ACSS3: variants seen among roughly 807,000 people sequenced by gnomAD.
ACSS3 encodes the protein acyl-CoA synthetase short chain family member 3.
Under a neutral mutation model 84.2 loss-of-function variants are expected in ACSS3, and 64 were observed. That is an observed-to-expected ratio of 0.76 (90% CI 0.62 to 0.94). ACSS3 has a LOEUF of 0.94. ACSS3 is among the 40% of genes least tolerant of loss of function. The probability of loss-of-function intolerance (pLI) is 0.00; values close to 1 mark genes in which losing one functional copy is unlikely to be tolerated. For missense variants in ACSS3, 815 were observed against 867.6 expected (o/e 0.94, Z 0.76); for synonymous variants, 317 against 310.1 (o/e 1.02, Z -0.23).
chr12:81,139,197 G>A lies in ACSS3; in HGVS notation c.712G>A (p.Val238Ile), dbSNP rs1274448784. 2 of 1,613,828 alleles carry A rather than the reference G, an allele frequency of 1.2e-6. No individual in the cohort carries two copies. Among genetic ancestry groups the A allele is most frequent in the African/African-American group, 1.3e-5 (1 of 74,912 alleles). Residue 238 changes from valine (V) to isoleucine (I), a missense_variant, in exon 4 of 16, where the codon GTA (valine) becomes ATA (isoleucine). Physicochemically the swap from Val to Ile is conservative, Grantham distance 29 (BLOSUM62 3). Transcript: ENST00000548058. ...PGRRVEYVPLVEEALKIGQHK... is the reference protein window; with the variant it reads ...PGRRVEYVPLIEEALKIGQHK... The stretch of plus-strand genomic sequence containing the variant: ...AAGGAGGGTAGAGTACGTACCACTT[G>A]TAGAAGAAGCGCTAAAAATAGGACA...
At chr12:81,161,970 T>G (rs1887175412) in intron 7 of ACSS3, among the ~76,000 whole-genome samples, 1 of 152,170 alleles carries the variant, frequency 6.6e-6, no homozygotes, top group African/African-American at 2.4e-5. Context: ...CCAAAAAGTT[T>G]GTCACAGCCC....
intron 7 of ACSS3, among the ~76,000 whole-genome samples, chr12:81,166,555 CAAAGTGTACT>C (rs1887412418): frequency 6.6e-6 from 1 of 152,098 alleles, no homozygotes; most frequent in Non-Finnish European, 1.5e-5. Flanking sequence ...ATCCGAAAAG[CAAAGTGTACT>C]AAAGAAGGGT....
At chr12:81,144,652 T>G (rs1040157572) in intron 5 of ACSS3, among the ~76,000 whole-genome samples, 5 of 152,148 alleles carry the variant, frequency 3.3e-5, no homozygotes, top group Admixed American at 6.5e-5. Context: ...TTTAAAAAAT[T>G]TAGTTTCTTA....
chr12:81,237,376 G>T (rs576550452), intron 13 of ACSS3, among the ~76,000 whole-genome samples: 1 of 151,546 alleles, frequency 6.6e-6, no homozygotes, highest in Non-Finnish European at 1.5e-5. Flanking sequence ...GGAGGCTAGG[G>T]CTTTTATAGG....
Position 81,259,622 on chromosome 12 carries a change from G to C in ACSS3, c.*4700G>C. On this transcript the variant is annotated 3_prime_UTR_variant, in exon 16 of 16. Transcript: ENST00000548058. ...TTTTCACTGCTCGTCTTCTTAGATG[G>C]TAGTGCACTTTAGGTAGAGTAGACT... 6.5e-7 allele frequency: 1 copy of C among 1,531,862 alleles called. No homozygotes were observed. The highest frequency in any genetic ancestry group is 8.7e-7 in the Non-Finnish European group (1 of 1,143,318). 94.9% of individuals were successfully genotyped at this position (1,531,862 alleles called of 1,614,324 possible). A position where few individuals can be genotyped will look rare whatever the true frequency, so the allele number is the denominator to read the frequency against.
chr12:81,100,018 A>G (rs1411843931), intron 1 of ACSS3, among the ~76,000 whole-genome samples: 2 of 152,136 alleles, frequency 1.3e-5, no homozygotes, highest in Non-Finnish European at 2.9e-5. Context: ...AATTTGATAA[A>G]CAAGGCCACA....
chr12:81,196,233 A>G (rs1328226211), intron 8 of ACSS3, among the ~76,000 whole-genome samples: 5 of 152,240 alleles, frequency 3.3e-5, no homozygotes, highest in African/African-American at 4.8e-5. Flanking sequence ...TCAGAAAGTC[A>G]TGATCTACCT....
intron 8 of ACSS3, among the ~76,000 whole-genome samples, chr12:81,196,060 G>A (rs1003566349): frequency 7.2e-5 from 11 of 152,152 alleles, no homozygotes; most frequent in Non-Finnish European, 1.3e-4. Context: ...GTAATAGATT[G>A]TCTTAGCTGC....
intron 1 of ACSS3, among the ~76,000 whole-genome samples, chr12:81,095,948 A>C (rs2121369849): frequency 6.6e-6 from 1 of 152,324 alleles, no homozygotes; most frequent in African/African-American, 2.4e-5. Context: ...ACTTTCACAA[A>C]AACAATATCC....
In ACSS3 at chr12:81,259,777, T is replaced by C. The variant is rs1309197832; in HGVS notation, c.*4855T>C. On this transcript the variant is annotated 3_prime_UTR_variant, in exon 16 of 16. Coordinates refer to ENST00000548058, the MANE Select transcript of ACSS3 (RefSeq NM_024560.4). Reference sequence around the variant, plus strand: ...TGCTTACTCCTGTCCTAGAAGATCATGAGAAGGAAATCATCTAGGATGTAG... The same window carrying C: ...TGCTTACTCCTGTCCTAGAAGATCACGAGAAGGAAATCATCTAGGATGTAG... The C allele has an allele frequency of 8.7e-6, 7 of 805,708 alleles. No homozygotes were observed. The highest frequency in any genetic ancestry group is 1.7e-5 in the African/African-American group (1 of 57,486). 49.9% of individuals were successfully genotyped at this position (805,708 alleles called of 1,614,324 possible).
intron 2 of ACSS3, among the ~76,000 whole-genome samples, chr12:81,127,250 T>C (rs2121549677): frequency 6.6e-6 from 1 of 152,046 alleles, no homozygotes; most frequent in African/African-American, 2.4e-5. Context: ...TTCTAGAAGC[T>C]TCTTATGTTA....
At chr12:81,190,942 A>G (rs2031539114) in intron 8 of ACSS3, among the ~76,000 whole-genome samples, 1 of 152,040 alleles carries the variant, frequency 6.6e-6, no homozygotes, top group Non-Finnish European at 1.5e-5. Flanking sequence ...TGAAATAAAT[A>G]CATCTTGGTT....
At chr12:81,135,219 A>G (rs189020860) in intron 3 of ACSS3, among the ~76,000 whole-genome samples, 1 of 148,776 alleles carries the variant, frequency 6.7e-6, no homozygotes, top group East Asian at 2.0e-4. Context: ...TTTCAAAGAC[A>G]TGGAATCAAC....
rs2034318983 is a variant in ACSS3, at chr12:81,256,890, G to T, written c.*1968G>T. 6.6e-6 allele frequency: 1 copy of T among 152,090 alleles called. No individual in the cohort carries two copies. The highest frequency in any genetic ancestry group is 1.5e-5 in the Non-Finnish European group (1 of 68,020). 9.4% of individuals were successfully genotyped at this position (152,090 alleles called of 1,614,324 possible). On this transcript the variant is annotated 3_prime_UTR_variant, in exon 16 of 16. Coordinates refer to ENST00000548058, the MANE Select transcript of ACSS3 (RefSeq NM_024560.4). ...AGACACTCTCTCATTTGAAGCTGTT[G>T]GGATCCTTGAGTTGCCTCTTTCATT...
At chr12:81,192,208 C>A (rs1593180258) in intron 8 of ACSS3, among the ~76,000 whole-genome samples, 1 of 151,922 alleles carries the variant, frequency 6.6e-6, no homozygotes, top group African/African-American at 2.4e-5. Flanking sequence ...AGTGAAACCC[C>A]ATCTCTACTA....
At chr12:81,140,873 T>G (rs2135727260) in intron 4 of ACSS3, among the ~76,000 whole-genome samples, 1 of 152,314 alleles carries the variant, frequency 6.6e-6, no homozygotes, top group Non-Finnish European at 1.5e-5. Context: ...TGTTCAGAAC[T>G]TATGATGTTC....
rs116387204 is a variant in ACSS3, at chr12:81,141,804, G to A, written c.781-1303G>A. Among the ~76,000 whole-genome samples, 1,055 of 152,200 alleles carry A rather than the reference G, an allele frequency of 6.9e-3. 10 individuals carry two copies. Among genetic ancestry groups the A allele is most frequent in the African/African-American group, 0.024 (999 of 41,538 alleles). On this transcript the variant is annotated intron_variant, in intron 4 of 15. Transcript: ENST00000548058. ...CCATTGTATAAATAGAAATGGAAAC[G>A]TATGATTTGGTCATAGTCAACTATT... is the stretch of plus-strand genomic sequence containing the variant.
chr12:81,182,639 G>A (rs2031012570), intron 8 of ACSS3, among the ~76,000 whole-genome samples: 1 of 152,160 alleles, frequency 6.6e-6, no homozygotes, highest in Non-Finnish European at 1.5e-5. Context: ...TAGAGATTTT[G>A]TATGCAACAG....
At chr12:81,138,468 T>C (rs992105058) in intron 3 of ACSS3, among the ~76,000 whole-genome samples, 1 of 152,234 alleles carries the variant, frequency 6.6e-6, no homozygotes, top group Admixed American at 6.5e-5. Context: ...CCACCAGGGA[T>C]ACATTTTGCC....
Sources: gnomAD v4.1 joint callset for allele counts (sites outside exome capture counted in the v4.1 genomes callset) on GRCh38, gnomAD v4.1.1 for gene constraint, MANE v1.5 for transcripts, NCBI Gene and HGNC (gene_info 2026-07-23, HGNC 2026-07-21) for gene names.